Variants in HEMGN observed in about 807,000 individuals in gnomAD.
HEMGN encodes erythroid differentiation-associated gene protein.
In HEMGN, 32 loss-of-function variants were observed where a neutral mutation model predicts 45.7. The ratio of observed to expected loss-of-function variants is 0.70; its 90% CI spans 0.53 to 0.94. HEMGN has a LOEUF of 0.94. Ranked by LOEUF, HEMGN falls within the 40% of genes least tolerant of loss-of-function variation. HEMGN has a pLI of 0.00. For synonymous variants in HEMGN, 183 were observed against 178.6 expected, an observed-to-expected ratio of 1.02 and a Z score of -0.20; for missense variants, 530 against 564.2, an observed-to-expected ratio of 0.94 and a Z score of 0.61.
chr9:97,928,996 A>G (rs565990778), intron 3 of HEMGN, among the ~76,000 whole-genome samples: 1 of 152,296 alleles, frequency 6.6e-6, no homozygotes, highest in South Asian at 2.1e-4. Context: ...ATTCACTTAC[A>G]TATTGCTTTA....
intron 2 of HEMGN, among the ~76,000 whole-genome samples, chr9:97,932,469 T>G (rs1826972762): frequency 1.3e-5 from 2 of 152,020 alleles, no homozygotes; most frequent in African/African-American, 2.4e-5. Context: ...AAGGTATAGA[T>G]GTAACAGAGC....
intron 1 of HEMGN, among the ~76,000 whole-genome samples, chr9:97,943,683 GC>G (rs1827182911): frequency 6.6e-6 from 1 of 152,114 alleles, no homozygotes; most frequent in South Asian, 2.1e-4. Context: ...CCCACCTTGA[GC>G]CTCCCCCTTA....
chr9:97,940,391 G>A (rs1827134742), upstream of HEMGN, among the ~76,000 whole-genome samples: 1 of 152,148 alleles, frequency 6.6e-6, no homozygotes, highest in Admixed American at 6.5e-5. Flanking sequence ...TGGAGGGACT[G>A]TAAGAGGGTG....
At chr9:97,928,465 T>C (rs1692537572) in intron 3 of HEMGN, among the ~76,000 whole-genome samples, 1 of 152,232 alleles carries the variant, frequency 6.6e-6, no homozygotes, top group African/African-American at 2.4e-5. Flanking sequence ...TCTGACTGAC[T>C]GTATATTCAA....
upstream of HEMGN, among the ~76,000 whole-genome samples, chr9:97,942,995 A>C (rs919176102): frequency 6.6e-6 from 1 of 152,192 alleles, no homozygotes; most frequent in African/African-American, 2.4e-5. Context: ...ATTATATGAA[A>C]GCATACACTG....
intron 1 of HEMGN, among the ~76,000 whole-genome samples, chr9:97,944,002 TCTC>T (rs1827187771): frequency 6.6e-6 from 1 of 152,032 alleles, no homozygotes; most frequent in Admixed American, 6.6e-5. Context: ...CTCTCTCCCT[TCTC>T]CTCCTCCTTG....
Position 97,936,174 on chromosome 9 carries a change from A to G in HEMGN, c.170T>C (p.Phe57Ser). The change falls in exon 2 of 4, where the codon TTT becomes TCT. Residue 57 changes from phenylalanine to serine, a missense_variant. Transcript: ENST00000616898. Reference protein sequence around the residue: ...VHEKETSQWLFGEQKKRKQQR... With the variant: ...VHEKETSQWLSGEQKKRKQQR... ...TTCCCTTGTGATGCTACCATACCCA[A>G]ATAGCCATTGTGATGTTTCCTTTTC... The G allele has an allele frequency of 6.2e-7, 1 of 1,605,636 alleles. No individual in the cohort carries two copies. Among genetic ancestry groups the G allele is most frequent in the East Asian group, 2.2e-5 (1 of 44,832 alleles).
At position 97,930,268 on chromosome 9, in the gene HEMGN, C is replaced by G; in HGVS notation, c.1127G>C (p.Gly376Ala). 1 of 1,613,956 alleles carries G rather than the reference C, an allele frequency of 6.2e-7. No homozygotes were observed. The highest frequency in any genetic ancestry group is 8.5e-7 in the Non-Finnish European group (1 of 1,179,968). The change falls in exon 3 of 4, where the codon GGG becomes GCG. Residue 376 changes from glycine (G) to alanine (A), a missense_variant. By Grantham distance (60) the Gly-to-Ala change is moderately conservative. Coordinates refer to ENST00000616898, the MANE Select transcript of HEMGN (RefSeq NM_197978.3). ...TATTTCAGGTGAATATTCTTCAAGC[C>G]CAGGTATTTCTTGATACGTTTCAGG... Reference protein sequence around the residue: ...YSPETYQEIPGLEEYSPEIYQ... With the variant: ...YSPETYQEIPALEEYSPEIYQ...
At position 97,930,293 on chromosome 9, in the gene HEMGN, G is replaced by T. The variant is rs149270294; in HGVS notation, c.1102C>A (p.Pro368Thr). 1.4e-5 allele frequency: 23 copies of T among 1,613,892 alleles called. No individual in the cohort carries two copies. Among genetic ancestry groups the T allele is most frequent in the Non-Finnish European group, 1.9e-5 (23 of 1,179,950 alleles). Reference protein sequence around the residue: ...QETPGSEKYSPETYQEIPGLE... With the variant: ...QETPGSEKYSTETYQEIPGLE... ...CCAGGTATTTCTTGATACGTTTCAG[G>T]TGAATATTTTTCAGACCCAGGAGTT... The change falls in exon 3 of 4, where the codon CCT becomes ACT. Residue 368 changes from proline (P) to threonine (T), a missense_variant. Physicochemically the swap from Pro to Thr is conservative, Grantham distance 38. Transcript: ENST00000616898.
rs759210400 is a variant in HEMGN at position 97,927,383 on chromosome 9, G to A, written c.*1C>T. On this transcript the variant is annotated 3_prime_UTR_variant, in exon 4 of 4. Transcript: ENST00000616898. ...GACCACAACTTTATGGTTGAGCATT[G>A]TTAAAACAAAACATAACTATAGACA... 1 of 1,564,134 alleles carries A rather than the reference G, an allele frequency of 6.4e-7. No homozygotes were observed. Among genetic ancestry groups the A allele is most frequent in the Non-Finnish European group, 8.8e-7 (1 of 1,139,558 alleles).
At chr9:97,942,783 AGG>A (rs1827170878), upstream of HEMGN, among the ~76,000 whole-genome samples, 2 of 152,190 alleles carry the variant, frequency 1.3e-5, no homozygotes, top group Admixed American at 6.5e-5. Context: ...GGGGGTGAAA[AGG>A]GAGCACAGGA....
intron 2 of HEMGN, 117 bp downstream of exon 2, chr9:97,936,054 C>G: frequency 1.4e-6 from 1 of 728,376 alleles, no homozygotes; most frequent in Non-Finnish European, 2.4e-6. Context: ...ATAACCATGT[C>G]TGATTTACAG....
chr9:97,937,722 A>C (rs1163322291), intron 1 of HEMGN, among the ~76,000 whole-genome samples: 2 of 152,168 alleles, frequency 1.3e-5, no homozygotes, highest in Non-Finnish European at 2.9e-5. Context: ...AAGGTATCTC[A>C]AGGCCTAAGT....
upstream of HEMGN, chr9:97,938,222 TTA>T: frequency 1.2e-6 from 1 of 855,258 alleles, no homozygotes; most frequent in African/African-American, 1.7e-5. Context: ...CATCTAACAC[TTA>T]AAAAAAAAAA....
chr9:97,930,051 A>C lies in HEMGN; in HGVS notation c.1344T>G (p.Ala448=). Residue 448 remains alanine (A), a synonymous_variant, in exon 3 of 4, where the codon GCT becomes GCG. Coordinates refer to ENST00000616898, the MANE Select transcript of HEMGN (RefSeq NM_197978.3). ...AGCCCTTACCTTGAGGAAAAGTATA[A>C]GCATCTTTAGCATCTTCCTGGTGTG... ...PKAHQEDAKD[A]YTFPQEMKEK... 3.7e-6 allele frequency: 6 copies of C among 1,613,464 alleles called. No individual in the cohort carries two copies. The highest frequency in any genetic ancestry group is 5.1e-6 in the Non-Finnish European group (6 of 1,179,798).
In HEMGN at chr9:97,934,420, G is replaced by A. The variant is rs562663239; in HGVS notation, c.173+1751C>T. Among the ~76,000 whole-genome samples, 22 of 126,594 alleles carry A rather than the reference G, an allele frequency of 1.7e-4. 1 individual carries two copies. The highest frequency in any genetic ancestry group is 6.3e-4 in the African/African-American group (22 of 34,748). 83.1% of individuals were successfully genotyped at this position (126,594 alleles called of 152,430 possible). A position where few individuals can be genotyped will look rare whatever the true frequency, so the allele number is the denominator to read the frequency against. On this transcript the variant is annotated intron_variant, in intron 2 of 3. Coordinates refer to ENST00000616898, the MANE Select transcript of HEMGN (RefSeq NM_197978.3). ...GAGAGGAGAGGGGAGGAGAGAGGAG[G>A]GGATGGGGGAGAGGAGGGGGAGGGG... is the stretch of plus-strand genomic sequence containing the variant.
In HEMGN at chr9:97,927,271, G is replaced by T. The variant is rs567627759; in HGVS notation, c.*113C>A. The stretch of plus-strand genomic sequence containing the variant: ...TTCTTTCAGATATGGTCTACAAATA[G>T]AAAAAATAATATTAATGAGCATTGT... On this transcript the variant is annotated 3_prime_UTR_variant, in exon 4 of 4. Transcript: ENST00000616898. 3.2e-6 allele frequency: 2 copies of T among 628,504 alleles called. No individual in the cohort carries two copies. Among genetic ancestry groups the T allele is most frequent in the Non-Finnish European group, 5.6e-6 (2 of 357,362 alleles). 38.9% of individuals were successfully genotyped at this position (628,504 alleles called of 1,614,324 possible).
upstream of HEMGN, among the ~76,000 whole-genome samples, chr9:97,941,823 T>C (rs1827157382): frequency 1.3e-5 from 2 of 152,162 alleles, no homozygotes; most frequent in African/African-American, 2.4e-5. Flanking sequence ...GGAAAGACTG[T>C]TTCAAGGAGG....
chr9:97,937,958 TC>T, intron 1 of HEMGN, 99 bp downstream of exon 1: 2 of 692,366 alleles, frequency 2.9e-6, no homozygotes, highest in South Asian at 1.8e-5. Flanking sequence ...TTCATTTATT[TC>T]CTTTTTTTTT....
Sources: allele counts gnomAD v4.1 joint callset (sites outside exome capture counted in the v4.1 genomes callset), GRCh38; gene constraint gnomAD v4.1.1; transcripts MANE v1.5; gene names NCBI Gene and HGNC (gene_info 2026-07-23, HGNC 2026-07-21).